TBL1XR1: variants seen among roughly 807,000 people sequenced by gnomAD.
The protein encoded by TBL1XR1 is F-box-like/WD repeat-containing protein TBL1XR1.
A neutral mutation model predicts 66.9 loss-of-function variants in TBL1XR1; 5 were observed. The ratio of observed to expected loss-of-function variants is 0.07; its 90% CI spans 0.04 to 0.16. The LOEUF (loss-of-function observed/expected upper bound fraction) is 0.16, where lower values mean the gene tolerates loss of function less well. Among genes scored for constraint, TBL1XR1 ranks in the 10% least tolerant of loss-of-function variants. The probability of loss-of-function intolerance (pLI) is 1.00; values close to 1 mark genes in which losing one functional copy is unlikely to be tolerated. For missense variants in TBL1XR1, 238 were observed against 623.2 expected (o/e 0.38, Z 6.58); for synonymous variants, 210 against 206.0 (o/e 1.02, Z -0.17).
chr3:177,191,498 C>CA (rs1384657733), intron 1 of TBL1XR1, among the ~76,000 whole-genome samples: 1 of 152,228 alleles, frequency 6.6e-6, no homozygotes, highest in Non-Finnish European at 1.5e-5. Flanking sequence ...CATCAGCACT[C>CA]AGACTGTCAC....
In TBL1XR1 at chr3:177,187,249, C is replaced by G. The variant is rs1469798420; in HGVS notation, c.-122+9872G>C. Among the ~76,000 whole-genome samples, 4 of 151,408 alleles carry G rather than the reference C, an allele frequency of 2.6e-5. No homozygotes were observed. The South Asian group carries it at 6.3e-4, about 24-fold the overall frequency. ...TCTCTACTAAAAATACAAAAATTAG[C>G]CATGTGTGGTGGCGGGCGCCTGCAA... On this transcript the variant is annotated intron_variant, in intron 1 of 15. Transcript: ENST00000457928.
intron 1 of TBL1XR1, chr3:177,126,041 C>G (rs569509889): frequency 6.6e-6 from 1 of 152,304 alleles, no homozygotes; most frequent in South Asian, 2.1e-4. Context: ...CTTTGTAAAA[C>G]TGTGTGTCAT....
chr3:177,026,255 T>A, intron 15 of TBL1XR1, 118 bp downstream of exon 15: 1 of 758,848 alleles, frequency 1.3e-6, no homozygotes, highest in Non-Finnish European at 2.1e-6. Flanking sequence ...AAAAAAAAAA[T>A]CAGTATCATA....
intron 1 of TBL1XR1, among the ~76,000 whole-genome samples, chr3:177,141,923 T>C (rs541358173): frequency 5.3e-5 from 8 of 152,338 alleles, no homozygotes; most frequent in African/African-American, 1.7e-4. Context: ...GAGGACGTTA[T>C]GCTAAGTATA....
rs1712446480 is a variant in TBL1XR1, at chr3:177,022,028, A to G, written c.*3470T>C. ...CCTCTTTAGGCCTCTACTCAATAAT[A>G]GTTTACATTACTCTTAACAAAATCA... On this transcript the variant is annotated 3_prime_UTR_variant, in exon 16 of 16. Transcript: ENST00000457928. 6.6e-6 allele frequency: 1 copy of G among 152,586 alleles called. No individual in the cohort carries two copies. Among genetic ancestry groups the G allele is most frequent in the South Asian group, 2.1e-4 (1 of 4,836 alleles). The allele number at this position is 152,586 out of a possible 1,614,324, so 9.5% of individuals were successfully genotyped here.
chr3:177,164,826 G>T (rs1453449931), intron 1 of TBL1XR1, among the ~76,000 whole-genome samples: 1 of 151,992 alleles, frequency 6.6e-6, no homozygotes, highest in African/African-American at 2.4e-5. Context: ...TCTGGAGCTG[G>T]GCTGAATAGA....
chr3:177,096,174 G>A (rs1034166897), intron 2 of TBL1XR1, among the ~76,000 whole-genome samples: 2 of 152,090 alleles, frequency 1.3e-5, no homozygotes, highest in Non-Finnish European at 2.9e-5. Context: ...GCATTTCTGA[G>A]GGTCATGGGA....
intron 1 of TBL1XR1, among the ~76,000 whole-genome samples, chr3:177,196,779 G>T (rs1460835554): frequency 6.6e-6 from 1 of 151,722 alleles, no homozygotes; most frequent in Non-Finnish European, 1.5e-5. Flanking sequence ...GTAAATGCAC[G>T]AAGGGAGGAA....
At chr3:177,149,973 G>C (rs1730691652) in intron 1 of TBL1XR1, among the ~76,000 whole-genome samples, 1 of 152,078 alleles carries the variant, frequency 6.6e-6, no homozygotes, top group African/African-American at 2.4e-5. Context: ...ATCTTAAAGT[G>C]GGTATTAATA....
In TBL1XR1 at chr3:177,024,101, T is replaced by TA. The variant is rs759713367; in HGVS notation, c.*1396dup. ...AAAGACATGATATAGTAGTGATTACTAAAAAAAAAAAAATTAGCAGCTTAA... is the reference window on the plus strand; with the variant it reads ...AAAGACATGATATAGTAGTGATTACTAAAAAAAAAAAAAATTAGCAGCTTAA... On this transcript the variant is annotated 3_prime_UTR_variant, in exon 16 of 16. Coordinates refer to ENST00000457928, the MANE Select transcript of TBL1XR1 (RefSeq NM_024665.7). 1,004 of 143,178 alleles carry TA rather than the reference T, an allele frequency of 7.0e-3. 12 individuals carry two copies. Among genetic ancestry groups the TA allele is most frequent in the African/African-American group, 0.02 (798 of 39,336 alleles). The allele number at this position is 143,178 out of a possible 1,614,324, so 8.9% of individuals were successfully genotyped here.
intron 2 of TBL1XR1, among the ~76,000 whole-genome samples, chr3:177,070,028 T>C (rs1161050645): frequency 2.6e-5 from 4 of 152,230 alleles, no homozygotes; most frequent in Non-Finnish European, 4.4e-5. Context: ...AAATGCTTTT[T>C]TAAAAAACAG....
intron 1 of TBL1XR1, among the ~76,000 whole-genome samples, chr3:177,172,781 C>T (rs1052146741): frequency 5.9e-5 from 9 of 151,678 alleles, no homozygotes; most frequent in African/African-American, 2.2e-4. Context: ...CTGATGAATG[C>T]TAAAATTATT....
chr3:177,179,850 CAAATGAGGCTAGATA>C (rs940885620), intron 1 of TBL1XR1, among the ~76,000 whole-genome samples: 3 of 152,094 alleles, frequency 2.0e-5, no homozygotes, highest in African/African-American at 7.2e-5. Context: ...GCAAGAAAGG[CAAATGAGGCTAGATA>C]AAATGAGGCA....
At chr3:177,166,586 A>T (rs1396074223) in intron 1 of TBL1XR1, among the ~76,000 whole-genome samples, 1 of 151,124 alleles carries the variant, frequency 6.6e-6, no homozygotes, top group East Asian at 1.9e-4. Flanking sequence ...CTTCCTTCAC[A>T]CTCTCTTGCT....
intron 1 of TBL1XR1, among the ~76,000 whole-genome samples, chr3:177,179,917 C>A (rs925190646): frequency 1.3e-5 from 2 of 152,098 alleles, no homozygotes; most frequent in East Asian, 3.9e-4. Flanking sequence ...AGGGAACAAA[C>A]CAAGTAGAGA....
intron 2 of TBL1XR1, among the ~76,000 whole-genome samples, chr3:177,092,311 T>G (rs1031366071): frequency 2.0e-5 from 3 of 152,172 alleles, no homozygotes; most frequent in African/African-American, 7.2e-5. Context: ...TAGATTAATC[T>G]TAATTCATTA....
intron 6 of TBL1XR1, 94 bp from the exon 7 acceptor site, chr3:177,050,232 TA>T (rs1716872830): frequency 7.0e-7 from 1 of 1,433,608 alleles, no homozygotes; most frequent in South Asian, 1.4e-5. Flanking sequence ...ATAAGGCAAA[TA>T]AAAACGACTA....
chr3:177,040,967 CT>C (rs1476401347), intron 10 of TBL1XR1: 2 of 152,082 alleles, frequency 1.3e-5, no homozygotes, highest in Non-Finnish European at 2.9e-5. Flanking sequence ...CTCAATCAAC[CT>C]TTTAACAAAG....
intron 2 of TBL1XR1, among the ~76,000 whole-genome samples, chr3:177,081,498 C>T (rs1183202656): frequency 6.6e-6 from 1 of 151,972 alleles, no homozygotes; most frequent in Non-Finnish European, 1.5e-5. Context: ...ACCTTTAATA[C>T]CAGCACTCTG....
Sources: gnomAD v4.1 joint callset for allele counts (sites outside exome capture counted in the v4.1 genomes callset) on GRCh38, gnomAD v4.1.1 for gene constraint, MANE v1.5 for transcripts, NCBI Gene and HGNC (gene_info 2026-07-23, HGNC 2026-07-21) for gene names.